ALDH6A1: variants seen among roughly 807,000 people sequenced by gnomAD.
The protein encoded by ALDH6A1 is aldehyde dehydrogenase 6 family member A1.
ALDH6A1 carries 43 observed loss-of-function variants against 62.6 expected under a neutral mutation model. The ratio of observed to expected loss-of-function variants is 0.69; its 90% CI spans 0.54 to 0.89. The LOEUF (loss-of-function observed/expected upper bound fraction) is 0.89. ALDH6A1 is among the 40% of genes least tolerant of loss of function. ALDH6A1 has a pLI of 0.00. For synonymous variants in ALDH6A1, 194 were observed against 234.2 expected (o/e 0.83, Z 1.57); for missense variants, 551 against 661.3 (o/e 0.83, Z 1.83).
At chr14:74,074,805 A>T in intron 2 of ALDH6A1, 150 bp downstream of exon 2, 2 of 785,666 alleles carry the variant, frequency 2.5e-6, no homozygotes, top group East Asian at 5.5e-5. Context: ...TGACATGGTA[A>T]TCCATTTCAG....
chr14:74,071,169 G>C, intron 6 of ALDH6A1, 26 bp downstream of exon 6: 1 of 1,599,668 alleles, frequency 6.3e-7, no homozygotes, highest in Non-Finnish European at 8.6e-7. Flanking sequence ...GCCAGATTAA[G>C]TAGCCATATG....
rs1284385726 is a variant in ALDH6A1 at position 74,084,345 on chromosome 14, G to A, written c.48+2C>T. 1 of 1,613,560 alleles carries A rather than the reference G, an allele frequency of 6.2e-7. No homozygotes were observed. The highest frequency in any genetic ancestry group is 8.5e-7 in the Non-Finnish European group (1 of 1,179,914). ...TGGTGCCTTGGCACCACCCTCACTCGCCTGCAGGATCCGGGCTCGCACTGC... is the reference window on the plus strand; with the variant it reads ...TGGTGCCTTGGCACCACCCTCACTCACCTGCAGGATCCGGGCTCGCACTGC... On this transcript the variant is annotated splice_donor_variant, in intron 1 of 11. Coordinates refer to ENST00000553458, the MANE Select transcript of ALDH6A1 (RefSeq NM_005589.4). LOFTEE classifies it low-confidence loss of function (GC_TO_GT_DONOR).
rs138422480 is a variant in ALDH6A1 at position 74,080,290 on chromosome 14, T to C, written c.48+4057A>G. Among the ~76,000 whole-genome samples, 1,471 of 152,082 alleles carry C rather than the reference T, an allele frequency of 9.7e-3. 7 individuals carry two copies. The highest frequency in any genetic ancestry group is 0.028 in the Middle Eastern group (8 of 288). On this transcript the variant is annotated intron_variant, in intron 1 of 11. Transcript: ENST00000553458. The stretch of plus-strand genomic sequence containing the variant: ...TAGCTGTCCTGCCATTATCCCAGTC[T>C]ATACCATCATTGTCTCTCACTTGAC...
intron 1 of ALDH6A1, chr14:74,078,295 G>A (rs2060635044): frequency 2.2e-6 from 1 of 455,444 alleles, no homozygotes. Context: ...CAAGCTCCAT[G>A]CAGGAAAAGT....
chr14:74,071,440 G>A lies in ALDH6A1; in HGVS notation c.485C>T (p.Ser162Phe), dbSNP rs775502339. 2 of 1,614,172 alleles carry A rather than the reference G, an allele frequency of 1.2e-6. No individual in the cohort carries two copies. Among genetic ancestry groups the A allele is most frequent in the Admixed American group, 3.3e-5 (2 of 60,014 alleles). ...ATAAAGGTCCATGTCTTTGGTGATG[G>A]ATGGCATGGTCTCTCCCATCATGAG... is the stretch of plus-strand genomic sequence containing the variant. ...TSLMMGETMP[S>F]ITKDMDLYSY... Residue 162 changes from serine (S) to phenylalanine (F), a missense_variant, in exon 6 of 12, where the codon TCC becomes TTC. Ser to Phe is a radical substitution (Grantham distance 155). Transcript: ENST00000553458.
intron 5 of ALDH6A1, 135 bp downstream of exon 5, chr14:74,071,761 T>C (rs1473842387): frequency 1.4e-6 from 2 of 1,451,374 alleles, no homozygotes; most frequent in Non-Finnish European, 1.9e-6. Context: ...ACTGCCATTT[T>C]TCACAAGTAT....
At chr14:74,067,730 C>G (rs184040196) in intron 7 of ALDH6A1, among the ~76,000 whole-genome samples, 161 bp from the exon 8 acceptor site, 3 of 151,942 alleles carry the variant, frequency 2.0e-5, no homozygotes, top group Admixed American at 6.6e-5. Flanking sequence ...TCAAGACCAG[C>G]CTAGGCAACA....
intron 4 of ALDH6A1, 57 bp downstream of exon 4, chr14:74,072,146 A>G: frequency 6.2e-7 from 1 of 1,612,630 alleles, no homozygotes; most frequent in Non-Finnish European, 8.5e-7. Context: ...TCTCTGTGAG[A>G]GTGACAAACA....
chr14:74,068,840 A>T lies in ALDH6A1; in HGVS notation c.852+20T>A. On this transcript the variant is annotated intron_variant, in intron 7 of 11. Transcript: ENST00000553458. ...TCATATATAGAACAAAGATTGGAGA[A>T]AAAAGGAATAAGAAGTCACCATATT... 6.2e-7 allele frequency: 1 copy of T among 1,613,656 alleles called. No individual in the cohort carries two copies. The highest frequency in any genetic ancestry group is 1.1e-5 in the South Asian group (1 of 91,080).
chr14:74,079,464 C>T (rs1033418034), intron 1 of ALDH6A1, among the ~76,000 whole-genome samples: 7 of 147,268 alleles, frequency 4.8e-5, no homozygotes, highest in Admixed American at 1.4e-4. Context: ...GACAGAGTCT[C>T]ACTCTGTCGC....
chr14:74,074,237 A>G (rs1414885971), intron 2 of ALDH6A1, among the ~76,000 whole-genome samples: 1 of 151,582 alleles, frequency 6.6e-6, no homozygotes, highest in Non-Finnish European at 1.5e-5. Flanking sequence ...TCAGCCTCCC[A>G]AAGTGCTGGG....
intron 1 of ALDH6A1, among the ~76,000 whole-genome samples, chr14:74,075,865 G>T (rs1008473772): frequency 1.3e-5 from 2 of 152,134 alleles, no homozygotes; most frequent in Non-Finnish European, 2.9e-5. Flanking sequence ...GGAAACTAAT[G>T]TGGTATATTC....
intron 1 of ALDH6A1, among the ~76,000 whole-genome samples, chr14:74,075,697 G>A (rs2060605474): frequency 6.6e-6 from 1 of 151,752 alleles, no homozygotes; most frequent in Non-Finnish European, 1.5e-5. Flanking sequence ...AAGTAATAGA[G>A]TATATAATCA....
intron 1 of ALDH6A1, among the ~76,000 whole-genome samples, chr14:74,075,301 T>A (rs2060600207): frequency 6.6e-6 from 1 of 152,218 alleles, no homozygotes; most frequent in East Asian, 1.9e-4. Flanking sequence ...GTACCATAAA[T>A]CTAACAATAT....
chr14:74,064,716 C>T, intron 11 of ALDH6A1, 106 bp downstream of exon 11: 1 of 1,613,814 alleles, frequency 6.2e-7, no homozygotes, highest in South Asian at 1.1e-5. Flanking sequence ...CTGATTATGA[C>T]CTCACAGATG....
Position 74,076,280 on chromosome 14 carries a change from A to C in ALDH6A1, c.49-1263T>G, listed in dbSNP as rs576005222. 2.0e-5 allele frequency among the ~76,000 whole-genome samples: 3 copies of C among 152,334 alleles called. No homozygotes were observed. The South Asian group carries it at 6.2e-4, about 32-fold the overall frequency. ...GTGTTGGATAGATAATATTTGATGGAGTAAAATCAGTAAACGGGGAGGATC... is the reference window on the plus strand; with the variant it reads ...GTGTTGGATAGATAATATTTGATGGCGTAAAATCAGTAAACGGGGAGGATC... On this transcript the variant is annotated intron_variant, in intron 1 of 11. Transcript: ENST00000553458.
intron 6 of ALDH6A1, among the ~76,000 whole-genome samples, chr14:74,070,289 C>T (rs947872632): frequency 1.3e-4 from 20 of 151,860 alleles, no homozygotes; most frequent in Admixed American, 9.8e-4. Context: ...GAGGCCGAGG[C>T]GGGTGGATCA....
At position 74,084,311 on chromosome 14, in the gene ALDH6A1, C is replaced by A. The variant is rs766610379; in HGVS notation, c.48+36G>T. ...GGAGCGGACGGAAAGGATCCAATTCCTAGCTTCATGGTGCCTTGGCACCAC... is the reference window on the plus strand; with the variant it reads ...GGAGCGGACGGAAAGGATCCAATTCATAGCTTCATGGTGCCTTGGCACCAC... On this transcript the variant is annotated intron_variant, in intron 1 of 11. Transcript: ENST00000553458. The A allele has an allele frequency of 2.7e-5, 44 of 1,613,626 alleles. No individual in the cohort carries two copies. The East Asian group carries it at 9.8e-4, about 36-fold the overall frequency.
intron 10 of ALDH6A1, 104 bp downstream of exon 10, chr14:74,065,077 G>A: frequency 1.4e-6 from 2 of 1,434,540 alleles, no homozygotes; most frequent in Non-Finnish European, 1.9e-6. Context: ...CAATGTGGGA[G>A]GTCATGGGGG....
Sources: gnomAD v4.1 joint callset for allele counts (sites outside exome capture counted in the v4.1 genomes callset) on GRCh38, gnomAD v4.1.1 for gene constraint, MANE v1.5 for transcripts, NCBI Gene and HGNC (gene_info 2026-07-23, HGNC 2026-07-21) for gene names.